Variants in SRD5A2 observed in about 807,000 individuals in gnomAD.
SRD5A2 encodes steroid 5 alpha-reductase 2.
Under a neutral mutation model 27.4 loss-of-function variants are expected in SRD5A2, and 30 were observed. The observed-to-expected ratio is 1.10, with a 90% CI of 0.82 to 1.49. SRD5A2 has a LOEUF of 1.49. Among genes scored for constraint, SRD5A2 ranks in the 40% most tolerant of loss-of-function variants. The probability of loss-of-function intolerance (pLI) is 0.00; values close to 1 mark genes in which losing one functional copy is unlikely to be tolerated. For missense variants in SRD5A2, 348 were observed against 323.4 expected (o/e 1.08, Z -0.58); for synonymous variants, 141 against 133.6 (o/e 1.06, Z -0.38).
At chr2:31,595,380 T>A in the SRD5A2 span, among the ~76,000 whole-genome samples, 1 of 152,112 alleles carries the variant, frequency 6.6e-6, no homozygotes, top group Non-Finnish European at 1.5e-5. Context: ...GATATCACAA[T>A]GGACACCACA....
the SRD5A2 span, among the ~76,000 whole-genome samples, chr2:31,650,371 G>C: frequency 1.3e-5 from 2 of 152,100 alleles, no homozygotes; most frequent in Non-Finnish European, 2.9e-5. Context: ...TCCTGGGATG[G>C]GTCACTAAAG....
At chr2:31,543,868 G>A (rs1481031023) in intron 1 of SRD5A2, among the ~76,000 whole-genome samples, 1 of 152,046 alleles carries the variant, frequency 6.6e-6, no homozygotes, top group Non-Finnish European at 1.5e-5. Flanking sequence ...ACATGAAAAT[G>A]TATTAAACTC....
At chr2:31,569,698 A>G (rs1393360208) in intron 1 of SRD5A2, among the ~76,000 whole-genome samples, 1 of 151,916 alleles carries the variant, frequency 6.6e-6, no homozygotes, top group African/African-American at 2.4e-5. Context: ...AAACACAACA[A>G]AAAAACTTTG....
chr2:31,586,217 C>A, the SRD5A2 span, among the ~76,000 whole-genome samples: 125 of 152,106 alleles, frequency 8.2e-4, 1 homozygote, highest in African/African-American at 2.8e-3. Flanking sequence ...TCCCCCGAGT[C>A]CCCCCAGCTC....
chr2:31,538,135 ACCT>A (rs1666062787), intron 1 of SRD5A2, among the ~76,000 whole-genome samples: 2 of 152,172 alleles, frequency 1.3e-5, no homozygotes, highest in South Asian at 4.1e-4. Context: ...CCTGTGGGCA[ACCT>A]CCTACTATGC....
the SRD5A2 span, among the ~76,000 whole-genome samples, chr2:31,595,208 T>G: frequency 4.0e-4 from 61 of 151,676 alleles, 1 homozygote; most frequent in African/African-American, 1.4e-3. Flanking sequence ...AAAATATCAG[T>G]GCAAAACTAA....
the SRD5A2 span, among the ~76,000 whole-genome samples, chr2:31,641,711 A>G: frequency 2.6e-3 from 400 of 152,272 alleles, 2 homozygotes; most frequent in African/African-American, 9.2e-3. Flanking sequence ...TAAAGAGAAA[A>G]GCTATATATA....
chr2:31,615,333 C>T, the SRD5A2 span, among the ~76,000 whole-genome samples: 1 of 152,104 alleles, frequency 6.6e-6, no homozygotes, highest in Non-Finnish European at 1.5e-5. Context: ...TGTTGAATGG[C>T]TTTGACCAAA....
the SRD5A2 span, among the ~76,000 whole-genome samples, chr2:31,635,927 A>G: frequency 2.0e-5 from 3 of 151,928 alleles, no homozygotes; most frequent in Non-Finnish European, 2.9e-5. Context: ...TTTTATGCCA[A>G]TTCTATGATG....
At chr2:31,542,557 G>T (rs1385470030) in intron 1 of SRD5A2, among the ~76,000 whole-genome samples, 5 of 151,996 alleles carry the variant, frequency 3.3e-5, no homozygotes, top group Non-Finnish European at 7.4e-5. Flanking sequence ...ATGAAGTCAA[G>T]AAAACAATGT....
intron 1 of SRD5A2, among the ~76,000 whole-genome samples, chr2:31,571,906 T>C (rs756870842): frequency 7.9e-5 from 12 of 152,126 alleles, no homozygotes; most frequent in Non-Finnish European, 1.6e-4. Flanking sequence ...GGAACGCCTA[T>C]ACACTGCTAG....
At chr2:31,614,706 C>T in the SRD5A2 span, among the ~76,000 whole-genome samples, 2 of 152,172 alleles carry the variant, frequency 1.3e-5, no homozygotes, top group Admixed American at 6.5e-5. Context: ...GCCTGGATAT[C>T]CAGGCATTTC....
At chr2:31,568,999 T>C (rs999578399) in intron 1 of SRD5A2, among the ~76,000 whole-genome samples, 2 of 152,208 alleles carry the variant, frequency 1.3e-5, no homozygotes, top group African/African-American at 4.8e-5. Context: ...TTCCAAGCCT[T>C]CAGGGGCAGG....
the SRD5A2 span, among the ~76,000 whole-genome samples, chr2:31,607,111 G>A: frequency 6.6e-6 from 1 of 151,922 alleles, no homozygotes; most frequent in South Asian, 2.1e-4. Flanking sequence ...TTAAAGATAT[G>A]TCATTAGAAA....
At chr2:31,625,360 T>C in the SRD5A2 span, among the ~76,000 whole-genome samples, 751 of 152,338 alleles carry the variant, frequency 4.9e-3, 3 homozygotes, top group Non-Finnish European at 7.3e-3. Context: ...AGTTCTTTAG[T>C]TTAATTAGAT....
the SRD5A2 span, among the ~76,000 whole-genome samples, chr2:31,613,291 A>T: frequency 2.6e-5 from 4 of 152,180 alleles, no homozygotes; most frequent in Non-Finnish European, 5.9e-5. Context: ...ATAAAAAAAC[A>T]CACAAGAATC....
chr2:31,597,408 C>T, the SRD5A2 span, among the ~76,000 whole-genome samples: 1 of 151,786 alleles, frequency 6.6e-6, no homozygotes, highest in African/African-American at 2.4e-5. Flanking sequence ...CTAGACATTG[C>T]CTTAGTCAAA....
chr2:31,644,397 T>C, the SRD5A2 span, among the ~76,000 whole-genome samples: 2 of 152,208 alleles, frequency 1.3e-5, no homozygotes, highest in Non-Finnish European at 2.9e-5. Context: ...CTATAAAGCG[T>C]TGGTCCTCAA....
At chr2:31,629,575 AC>A in the SRD5A2 span, among the ~76,000 whole-genome samples, 1 of 152,028 alleles carries the variant, frequency 6.6e-6, no homozygotes, top group Admixed American at 6.6e-5. Context: ...GCAATCCCCA[AC>A]CCTTCTGGGT....
Sources: gnomAD v4.1 joint callset for allele counts (sites outside exome capture counted in the v4.1 genomes callset) on GRCh38, gnomAD v4.1.1 for gene constraint, MANE v1.5 for transcripts, NCBI Gene and HGNC (gene_info 2026-07-23, HGNC 2026-07-21) for gene names.